Variants in SSBP3 observed in about 807,000 individuals in gnomAD.
SSBP3 encodes the protein single stranded DNA binding protein 3.
SSBP3 carries 5 observed loss-of-function variants against 69.6 expected under a neutral mutation model. That is an observed-to-expected ratio of 0.07 (90% confidence interval 0.04 to 0.15). SSBP3 has a LOEUF of 0.15. SSBP3 is among the 10% of genes least tolerant of loss of function. SSBP3 has a pLI of 1.00. For synonymous variants in SSBP3, 196 were observed against 193.4 expected, an observed-to-expected ratio of 1.01 and a Z score of -0.11; for missense variants, 312 against 534.0, an observed-to-expected ratio of 0.58 and a Z score of 4.10.
At chr1:54,365,349 CGTGTGTGTGT>C (rs151153722) in intron 4 of SSBP3, among the ~76,000 whole-genome samples, 1 of 151,176 alleles carries the variant, frequency 6.6e-6, no homozygotes, top group East Asian at 1.9e-4. Context: ...GAAAGGTGTG[CGTGTGTGTGT>C]GTGTGTTGGA....
exon 18 of SSBP3, chr1:54,226,884 C>T (rs1644293521): frequency 2.0e-6 from 1 of 511,768 alleles, no homozygotes; most frequent in Non-Finnish European, 3.6e-6. Context: ...TTTCTGGTCA[C>T]TGACTTGAAA....
At position 54,292,694 on chromosome 1, in the gene SSBP3, G is replaced by C. The variant is rs527755953; in HGVS notation, c.277-11167C>G. ...CTCAGGGCTCTGAACAAACGAGAGG[G>C]AGTGGTGCCAAAGCAAGGGAATGCT... On this transcript the variant is annotated intron_variant, in intron 4 of 17. Transcript: ENST00000610401. 2.0e-5 allele frequency among the ~76,000 whole-genome samples: 3 copies of C among 152,296 alleles called. No homozygotes were observed. In the East Asian group the frequency reaches 5.8e-4, roughly 29 times the overall value.
At chr1:54,391,633 G>A (rs1648503207) in intron 4 of SSBP3, among the ~76,000 whole-genome samples, 2 of 152,204 alleles carry the variant, frequency 1.3e-5, no homozygotes, top group South Asian at 4.1e-4. Context: ...GAGCAGTTGT[G>A]CTTCTTAAGG....
intron 4 of SSBP3, among the ~76,000 whole-genome samples, chr1:54,332,495 G>A (rs1646435390): frequency 6.6e-6 from 1 of 152,196 alleles, no homozygotes; most frequent in South Asian, 2.1e-4. Flanking sequence ...ATCTGTAAAT[G>A]AAAGGGCTGG....
chr1:54,282,857 G>GA (rs1212132542), intron 4 of SSBP3, among the ~76,000 whole-genome samples: 10 of 152,226 alleles, frequency 6.6e-5, no homozygotes, highest in African/African-American at 2.4e-4. Context: ...CTGATTCTCT[G>GA]AAAGAGGAAT....
chr1:54,245,471 A>G (rs369439670), intron 9 of SSBP3, among the ~76,000 whole-genome samples: 8 of 152,346 alleles, frequency 5.3e-5, no homozygotes, highest in African/African-American at 1.7e-4. Flanking sequence ...TGACACACAC[A>G]GAGCCAATAT....
At chr1:54,373,123 T>G (rs1003287652) in intron 4 of SSBP3, among the ~76,000 whole-genome samples, 1 of 152,192 alleles carries the variant, frequency 6.6e-6, no homozygotes, top group Admixed American at 6.5e-5. Flanking sequence ...GACACTCAGC[T>G]GCCACCTGAC....
In SSBP3 at chr1:54,357,629, C is replaced by T. The variant is rs375840003; in HGVS notation, c.276+44232G>A. 1.3e-3 allele frequency among the ~76,000 whole-genome samples: 203 copies of T among 152,366 alleles called. 8 individuals carry two copies. The South Asian group carries it at 0.027, about 20-fold the overall frequency. On this transcript the variant is annotated intron_variant, in intron 4 of 17. Coordinates refer to ENST00000610401, the Ensembl canonical transcript of SSBP3. ...AAGTCCTAATGTCCTAAGCTGCGCACAGCAGTGCACACCTGTAGTCCCAGC... is the reference window on the plus strand; with the variant it reads ...AAGTCCTAATGTCCTAAGCTGCGCATAGCAGTGCACACCTGTAGTCCCAGC...
chr1:54,281,889 G>C (rs1002853352), intron 4 of SSBP3, among the ~76,000 whole-genome samples: 2 of 151,958 alleles, frequency 1.3e-5, no homozygotes, highest in Non-Finnish European at 2.9e-5. Context: ...TTGAGCCCAG[G>C]AGTTCGAGAC....
At chr1:54,300,337 G>A (rs569527904) in intron 4 of SSBP3, among the ~76,000 whole-genome samples, 1 of 152,156 alleles carries the variant, frequency 6.6e-6, no homozygotes, top group South Asian at 2.1e-4. Flanking sequence ...CAGCAGAAAC[G>A]AGATGCATGC....
chr1:54,367,492 A>G (rs1647048025), intron 4 of SSBP3, among the ~76,000 whole-genome samples: 1 of 152,198 alleles, frequency 6.6e-6, no homozygotes, highest in South Asian at 2.1e-4. Context: ...GTCAATTAAT[A>G]TGTATTAAGT....
At chr1:54,277,544 A>G (rs1319009082) in intron 5 of SSBP3, among the ~76,000 whole-genome samples, 1 of 152,344 alleles carries the variant, frequency 6.6e-6, no homozygotes, top group East Asian at 1.9e-4. Context: ...GGGGCAAGTC[A>G]TTCACCTTTC....
chr1:54,290,942 C>A (rs908497528), intron 4 of SSBP3, among the ~76,000 whole-genome samples: 1 of 152,220 alleles, frequency 6.6e-6, no homozygotes, highest in Non-Finnish European at 1.5e-5. Flanking sequence ...CACACGCACA[C>A]ACACACATTT....
At position 54,398,383 on chromosome 1, in the gene SSBP3, A is replaced by G. The variant is rs555275571; in HGVS notation, c.276+3478T>C. On this transcript the variant is annotated intron_variant, in intron 4 of 17. Coordinates refer to ENST00000610401, the Ensembl canonical transcript of SSBP3. ...TTTCTTGGCCTTCCAAATTCCACTC[A>G]TTTCTTGACATCAAAAGGAAAACAC... Among the ~76,000 whole-genome samples, 5 of 152,342 alleles carry G rather than the reference A, an allele frequency of 3.3e-5. No homozygotes were observed. The South Asian group carries it at 1.0e-3, about 32-fold the overall frequency.
At chr1:54,379,787 C>T (rs138245882) in intron 4 of SSBP3, among the ~76,000 whole-genome samples, 3 of 152,224 alleles carry the variant, frequency 2.0e-5, no homozygotes, top group African/African-American at 4.8e-5. Context: ...TCACTCCATT[C>T]GCCCAAATAC....
intron 4 of SSBP3, among the ~76,000 whole-genome samples, chr1:54,396,193 GAAAAA>G (rs59276509): frequency 0.03 from 1,209 of 40,476 alleles, 6 homozygotes; most frequent in African/African-American, 0.059. Flanking sequence ...CTCCATCTCA[GAAAAA>G]AAAAAAAAAA....
At chr1:54,292,736 G>C (rs1053006129) in intron 4 of SSBP3, among the ~76,000 whole-genome samples, 3 of 152,156 alleles carry the variant, frequency 2.0e-5, no homozygotes, top group Non-Finnish European at 2.9e-5. Flanking sequence ...TCCAACAGGA[G>C]AATTCACCAG....
At chr1:54,382,795 G>A (rs903325715) in intron 4 of SSBP3, among the ~76,000 whole-genome samples, 1 of 151,884 alleles carries the variant, frequency 6.6e-6, no homozygotes, top group African/African-American at 2.4e-5. Flanking sequence ...AGACCAGCCT[G>A]ACCAACTTGG....
At chr1:54,390,910 A>G (rs141412801) in intron 4 of SSBP3, among the ~76,000 whole-genome samples, 127 of 152,356 alleles carry the variant, frequency 8.3e-4, no homozygotes, top group African/African-American at 3.0e-3. Context: ...GCCGGCGAGC[A>G]GAGACCGGCA....
Sources: gnomAD v4.1 joint callset for allele counts (sites outside exome capture counted in the v4.1 genomes callset) on GRCh38, gnomAD v4.1.1 for gene constraint, MANE v1.5 for transcripts, NCBI Gene and HGNC (gene_info 2026-07-23, HGNC 2026-07-21) for gene names.